EMSY: variants seen among roughly 807,000 people sequenced by gnomAD.
EMSY encodes the protein BRCA2-interacting transcriptional repressor EMSY.
Under a neutral mutation model 134.6 loss-of-function variants are expected in EMSY, and 26 were observed. The observed-to-expected ratio is 0.19, with a 90% CI of 0.14 to 0.27. EMSY has a LOEUF of 0.27. Ranked by LOEUF, EMSY falls within the 10% of genes least tolerant of loss-of-function variation. The pLI is 1.00. For synonymous variants in EMSY, 579 were observed against 577.8 expected (o/e 1.00, Z -0.03); for missense variants, 1,305 against 1,611.4 (o/e 0.81, Z 3.26).
At chr11:76,479,094 TA>T (rs969614770) in intron 8 of EMSY, among the ~76,000 whole-genome samples, 18 of 148,936 alleles carry the variant, frequency 1.2e-4, no homozygotes, top group East Asian at 1.9e-4. Flanking sequence ...CTTCTTGTTT[TA>T]AAAAAAAAAT....
At chr11:76,545,687 C>T in intron 19 of EMSY, 110 bp from the exon 21 acceptor site, 2 of 1,299,076 alleles carry the variant, frequency 1.5e-6, no homozygotes, top group South Asian at 1.5e-5. Context: ...TCAAAACTGT[C>T]TTCCTAGTAT....
At chr11:76,455,304 G>C (rs1184627977) in intron 4 of EMSY, among the ~76,000 whole-genome samples, 4 of 151,936 alleles carry the variant, frequency 2.6e-5, no homozygotes, top group Admixed American at 6.6e-5. Flanking sequence ...CTATATTCTT[G>C]TTTTAATATA....
At chr11:76,463,745 T>C in intron 6 of EMSY, 76 bp from the exon 8 acceptor site, 3 of 1,487,880 alleles carry the variant, frequency 2.0e-6, no homozygotes, top group Non-Finnish European at 2.7e-6. Flanking sequence ...AAGGATGATA[T>C]AAAGATTTTA....
At chr11:76,459,982 C>G (rs765136304) in exon 6 of EMSY, 6 of 1,614,194 alleles carry the variant, frequency 3.7e-6, no homozygotes, top group Admixed American at 3.3e-5. Context: ...CAACCTCTAC[C>G]CCTGTTCCAA....
intron 4 of EMSY, 24 bp downstream of exon 4, chr11:76,453,412 C>A: frequency 6.2e-7 from 1 of 1,603,324 alleles, no homozygotes; most frequent in Non-Finnish European, 8.5e-7. Flanking sequence ...CGTACCATCC[C>A]TGATTTTTTA....
chr11:76,552,804 C>T (rs1285813914), downstream of EMSY: 1 of 152,202 alleles, frequency 6.6e-6, no homozygotes, highest in Non-Finnish European at 1.5e-5. Context: ...CCACCACCAC[C>T]ATCGCTCCAG....
At chr11:76,546,332 A>G (rs747072962) in intron 20 of EMSY, 35 bp downstream of exon 21, 5 of 1,574,416 alleles carry the variant, frequency 3.2e-6, no homozygotes, top group African/African-American at 1.4e-5. Flanking sequence ...AATCTTGTGC[A>G]TCTTGGGGGT....
At chr11:76,516,240 A>G (rs916778597) in exon 11 of EMSY, 1 of 1,613,482 alleles carries the variant, frequency 6.2e-7, no homozygotes. Context: ...TACGAGTGGT[A>G]GCATCATTAC....
At chr11:76,484,021 C>G (rs1949083801) in intron 8 of EMSY, among the ~76,000 whole-genome samples, 1 of 152,110 alleles carries the variant, frequency 6.6e-6, no homozygotes, top group Admixed American at 6.6e-5. Flanking sequence ...TCAGCAAATG[C>G]AAAAGAACAG....
chr11:76,486,046 A>T (rs1456261347), intron 8 of EMSY, among the ~76,000 whole-genome samples: 1 of 152,248 alleles, frequency 6.6e-6, no homozygotes, highest in Non-Finnish European at 1.5e-5. Flanking sequence ...TGTGGCACGT[A>T]TACACCATGG....
chr11:76,544,341 T>C, exon 19 of EMSY: 2 of 1,614,184 alleles, frequency 1.2e-6, no homozygotes, highest in Non-Finnish European at 1.7e-6. Context: ...ATGGACACTT[T>C]AGACCCTCAG....
At chr11:76,461,607 T>A (rs1359363694) in intron 6 of EMSY, among the ~76,000 whole-genome samples, 2 of 152,244 alleles carry the variant, frequency 1.3e-5, no homozygotes, top group African/African-American at 4.8e-5. Flanking sequence ...TTAAAATAAC[T>A]GTAGAGACCT....
intron 8 of EMSY, among the ~76,000 whole-genome samples, chr11:76,473,711 C>T (rs1224219780): frequency 2.0e-5 from 3 of 151,952 alleles, no homozygotes; most frequent in Non-Finnish European, 4.4e-5. Flanking sequence ...CAGAGTAGGC[C>T]GGGCACAGTG....
chr11:76,461,290 G>C (rs1948107073), intron 6 of EMSY, among the ~76,000 whole-genome samples: 1 of 152,118 alleles, frequency 6.6e-6, no homozygotes, highest in Non-Finnish European at 1.5e-5. Flanking sequence ...TAACTTAGAG[G>C]TAAAGTTTGC....
At chr11:76,501,320 A>G (rs999748017) in intron 9 of EMSY, among the ~76,000 whole-genome samples, 50 of 152,208 alleles carry the variant, frequency 3.3e-4, no homozygotes, top group Non-Finnish European at 6.3e-4. Context: ...TAGAAAAACA[A>G]ACAAACAACA....
intron 8 of EMSY, among the ~76,000 whole-genome samples, chr11:76,493,062 G>C (rs774107508): frequency 3.4e-4 from 52 of 152,054 alleles, no homozygotes; most frequent in Non-Finnish European, 5.3e-4. Flanking sequence ...GGCCAGGGAA[G>C]CCCCCCCTTC....
intron 9 of EMSY, 142 bp downstream of exon 10, chr11:76,496,611 T>C: frequency 1.1e-6 from 1 of 910,952 alleles, no homozygotes; most frequent in Non-Finnish European, 1.7e-6. Flanking sequence ...TTTCAGCATA[T>C]AGATTCTGTA....
chr11:76,533,852 G>A (rs75069289), intron 14 of EMSY, among the ~76,000 whole-genome samples: 3,427 of 152,262 alleles, frequency 0.023, 64 homozygotes, highest in Non-Finnish European at 0.036. Context: ...TGATTTCCTA[G>A]TCATTGCGTT....
intron 8 of EMSY, among the ~76,000 whole-genome samples, chr11:76,474,364 G>A (rs1948697108): frequency 6.6e-6 from 1 of 152,138 alleles, no homozygotes. Context: ...AGGGTACTTG[G>A]TATTAGTTTT....
Sources: gnomAD v4.1 joint callset for allele counts (sites outside exome capture counted in the v4.1 genomes callset) on GRCh38, gnomAD v4.1.1 for gene constraint, MANE v1.5 for transcripts, NCBI Gene and HGNC (gene_info 2026-07-23, HGNC 2026-07-21) for gene names.